Variants in PNPLA3 observed in about 807,000 individuals in gnomAD.
The protein encoded by PNPLA3 is patatin like domain 3, 1-acylglycerol-3-phosphate O-acyltransferase.
PNPLA3 carries 42 observed loss-of-function variants against 43.1 expected under a neutral mutation model. The ratio of observed to expected loss-of-function variants is 0.97; its 90% confidence interval spans 0.76 to 1.26. The LOEUF (loss-of-function observed/expected upper bound fraction) is 1.26, where lower values mean the gene tolerates loss of function less well. PNPLA3 is among the 50% of genes most tolerant of loss of function. PNPLA3 has a pLI of 0.00. For missense variants in PNPLA3, 647 were observed against 621.4 expected, an observed-to-expected ratio of 1.04 and a Z score of -0.44; for synonymous variants, 272 against 253.6, an observed-to-expected ratio of 1.07 and a Z score of -0.69.
Position 43,939,520 on chromosome 22 carries a change from A to AGG in PNPLA3, c.980-471_980-470dup, listed in dbSNP as rs1323930797. Reference sequence around the variant, plus strand: ...CAGCTTCACACTGCCCTTGCTGTGAAGGGAGCAGCCTGGGCCGGGCGCGGT... The same window carrying AGG: ...CAGCTTCACACTGCCCTTGCTGTGAAGGGGGAGCAGCCTGGGCCGGGCGCGGT... On this transcript the variant is annotated intron_variant, in intron 6 of 8. Transcript: ENST00000216180. 3 of 787,246 alleles carry AGG rather than the reference A, an allele frequency of 3.8e-6. No individual in the cohort carries two copies. The African/African-American group carries it at 5.7e-5, about 15-fold the overall frequency. The allele number at this position is 787,246 out of a possible 1,614,324, so 48.8% of individuals were successfully genotyped here. A position where few individuals can be genotyped will look rare whatever the true frequency, so the allele number is the denominator to read the frequency against.
chr22:43,935,501 TGCAG>T (rs2049989465), intron 5 of PNPLA3, among the ~76,000 whole-genome samples: 1 of 151,766 alleles, frequency 6.6e-6, no homozygotes, highest in Non-Finnish European at 1.5e-5. Context: ...TGGAGGCTCA[TGCAG>T]GATGGATCTC....
Position 43,924,030 on chromosome 22 carries a change from C to T in PNPLA3, c.119C>T (p.Ala40Val), listed in dbSNP as rs1243707675. ...SEHAPHLLRD[A>V]RMLFGASAGA... ...CACGCCCCGCACCTCCTCCGCGACG[C>T]GCGCATGTTGTTCGGCGCTTCGGCC... Residue 40 changes from alanine to valine, a missense_variant, in exon 1 of 9, where the codon GCG becomes GTG. Transcript: ENST00000216180. 6.3e-6 allele frequency: 10 copies of T among 1,581,442 alleles called. No individual in the cohort carries two copies. The highest frequency in any genetic ancestry group is 8.5e-6 in the Non-Finnish European group (10 of 1,172,826).
At chr22:43,936,394 G>T (rs1445123486) in intron 5 of PNPLA3, among the ~76,000 whole-genome samples, 2 of 152,126 alleles carry the variant, frequency 1.3e-5, no homozygotes, top group Non-Finnish European at 1.5e-5. Flanking sequence ...GTGCAGCTGT[G>T]GTTGTCTGAA....
Position 43,924,075 on chromosome 22 carries a change from G to A in PNPLA3, c.164G>A (p.Gly55Asp), listed in dbSNP as rs748057138. The change falls in exon 1 of 9, where the codon GGC (glycine) becomes GAC (aspartate). Residue 55 changes from glycine to aspartate, a missense_variant. Transcript: ENST00000216180. The stretch of plus-strand genomic sequence containing the variant: ...TCGGCCGGGGCGTTGCACTGCGTCG[G>A]CGTCCTCTCCGGTATCCCGCTGGGT... ...GASAGALHCV[G>D]VLSGIPLEQT... is the part of the protein sequence containing the mutation. 100 of 1,567,546 alleles carry A rather than the reference G, an allele frequency of 6.4e-5. No individual in the cohort carries two copies. Among genetic ancestry groups the A allele is most frequent in the Non-Finnish European group, 8.4e-5 (98 of 1,166,642 alleles).
intron 6 of PNPLA3, among the ~76,000 whole-genome samples, chr22:43,938,323 T>C (rs1447349326): frequency 6.6e-6 from 1 of 152,208 alleles, no homozygotes; most frequent in Non-Finnish European, 1.5e-5. Flanking sequence ...ACACAGCAGC[T>C]GCCCAGGTGC....
rs1309128279 is a variant in PNPLA3, at chr22:43,946,181, G to A, written c.1245G>A (p.Gln415=). Residue 415 remains glutamine, a synonymous_variant, in exon 9 of 9, where the codon CAG becomes CAA. Coordinates refer to ENST00000216180, the MANE Select transcript of PNPLA3 (RefSeq NM_025225.3). Reference sequence around the variant, plus strand: ...CCCAAATGCCAGTGAGCAGCCAACAGGCCTCCCCATGCACACCTGAGCAGG... The same window carrying A: ...CCCAAATGCCAGTGAGCAGCCAACAAGCCTCCCCATGCACACCTGAGCAGG... The part of the protein sequence containing the change: ...SRSQMPVSSQ[Q]ASPCTPEQDW... The A allele has an allele frequency of 7.4e-6, 12 of 1,613,780 alleles. No homozygotes were observed. Among genetic ancestry groups the A allele is most frequent in the African/African-American group, 1.3e-5 (1 of 74,908 alleles).
chr22:43,940,017 A>C lies in PNPLA3; in HGVS notation c.1004A>C (p.Lys335Thr). 6.2e-7 allele frequency: 1 copy of C among 1,614,216 alleles called. No individual in the cohort carries two copies. Among genetic ancestry groups the C allele is most frequent in the South Asian group, 1.1e-5 (1 of 91,076 alleles). Residue 335 changes from lysine to threonine, a missense_variant, in exon 7 of 9, where the codon AAA (lysine) becomes ACA (threonine). Lys to Thr is a moderately conservative substitution (Grantham distance 78, BLOSUM62 -1). Coordinates refer to ENST00000216180, the MANE Select transcript of PNPLA3 (RefSeq NM_025225.3). Reference sequence around the variant, plus strand: ...GCACTGAGTGAAGAAATGAAAGACAAAGGTGGATACATGAGCAAGATTTGC... The same window carrying C: ...GCACTGAGTGAAGAAATGAAAGACACAGGTGGATACATGAGCAAGATTTGC... The part of the protein sequence containing the change: ...ATALSEEMKD[K>T]GGYMSKICNL...
intron 8 of PNPLA3, 80 bp from the exon 9 acceptor site, chr22:43,946,074 A>C (rs780495902): frequency 5.6e-5 from 75 of 1,345,508 alleles, no homozygotes; most frequent in Non-Finnish European, 7.4e-5. Flanking sequence ...ACTGGCCGGC[A>C]ATGTGGGTCC....
At chr22:43,940,427 G>A (rs2050023876) in intron 7 of PNPLA3, among the ~76,000 whole-genome samples, 1 of 152,210 alleles carries the variant, frequency 6.6e-6, no homozygotes, top group Non-Finnish European at 1.5e-5. Context: ...AGAGCTTGGG[G>A]TCACTGCTCT....
In PNPLA3 at chr22:43,924,024, GCGACGCGCGCATGTTGTT is replaced by G. The variant is rs2049904161; in HGVS notation, c.116_133del (p.Asp39_Phe44del). 2.5e-6 allele frequency: 4 copies of G among 1,582,008 alleles called. No individual in the cohort carries two copies. The highest frequency in any genetic ancestry group is 3.4e-6 in the Non-Finnish European group (4 of 1,173,034). ...AGCGAGCACGCCCCGCACCTCCTCCGCGACGCGCGCATGTTGTTCGGCGCTTCGGCCGGGGCGTTGCAC... is the reference window on the plus strand; with the variant it reads ...AGCGAGCACGCCCCGCACCTCCTCCGCGGCGCTTCGGCCGGGGCGTTGCAC... On this transcript the variant is annotated inframe_deletion, in exon 1 of 9. Transcript: ENST00000216180.
At chr22:43,943,968 T>C (rs2146791744) in intron 7 of PNPLA3, among the ~76,000 whole-genome samples, 1 of 152,180 alleles carries the variant, frequency 6.6e-6, no homozygotes, top group Middle Eastern at 3.4e-3. Context: ...TTTGTATTTT[T>C]AGTAGAGGTG....
chr22:43,926,529 T>A (rs183225456), intron 1 of PNPLA3, among the ~76,000 whole-genome samples: 4 of 152,336 alleles, frequency 2.6e-5, no homozygotes, highest in African/African-American at 7.2e-5. Flanking sequence ...GACTCATTCC[T>A]GTGGCTGAGG....
Position 43,933,095 on chromosome 22 carries a change from G to T in PNPLA3, c.696+8G>T. 6.2e-7 allele frequency: 1 copy of T among 1,611,966 alleles called. No individual in the cohort carries two copies. The highest frequency in any genetic ancestry group is 8.5e-7 in the Non-Finnish European group (1 of 1,179,014). Reference sequence around the variant, plus strand: ...GTCCCCCCGGATCTCAAGGTGAGTTGGTGGTGAGGGGGCAGGTGTTCTGGG... The same window carrying T: ...GTCCCCCCGGATCTCAAGGTGAGTTTGTGGTGAGGGGGCAGGTGTTCTGGG... On this transcript the variant is annotated splice_region_variant and intron_variant, in intron 4 of 8. Transcript: ENST00000216180.
intron 5 of PNPLA3, 81 bp downstream of exon 5, chr22:43,934,747 T>C: frequency 7.2e-7 from 1 of 1,385,460 alleles, no homozygotes; most frequent in South Asian, 1.2e-5. Context: ...GAGATTTGCC[T>C]TAGTTCTAAC....
intron 8 of PNPLA3, 133 bp downstream of exon 8, chr22:43,944,928 T>C: frequency 1.3e-6 from 1 of 757,728 alleles, no homozygotes. Flanking sequence ...GGACCCTGTC[T>C]CATGGGAGGC....
intron 7 of PNPLA3, among the ~76,000 whole-genome samples, chr22:43,940,605 T>G (rs539742774): frequency 1.3e-5 from 2 of 151,776 alleles, no homozygotes; most frequent in African/African-American, 4.8e-5. Flanking sequence ...GGTCAGGAGT[T>G]TGAGACCAGC....
At position 43,946,267 on chromosome 22, in the gene PNPLA3, C is replaced by G; in HGVS notation, c.1331C>G (p.Ala444Gly). The change falls in exon 9 of 9, where the codon GCC (alanine) becomes GGC (glycine). Residue 444 changes from alanine to glycine, a missense_variant. Transcript: ENST00000216180. ...TGTCCAGCAGAGACCAAAGCAGAGGCCACCCCGCGGTCCATCCTCAGGTCC... is the reference window on the plus strand; with the variant it reads ...TGTCCAGCAGAGACCAAAGCAGAGGGCACCCCGCGGTCCATCCTCAGGTCC... ...KGCPAETKAE[A>G]TPRSILRSSL... 6.2e-7 allele frequency: 1 copy of G among 1,614,190 alleles called. No homozygotes were observed. Among genetic ancestry groups the G allele is most frequent in the Non-Finnish European group, 8.5e-7 (1 of 1,180,032 alleles).
At chr22:43,945,690 C>A (rs2050058438) in intron 8 of PNPLA3, among the ~76,000 whole-genome samples, 1 of 152,192 alleles carries the variant, frequency 6.6e-6, no homozygotes, top group East Asian at 1.9e-4. Context: ...TGGCAGCAGG[C>A]AGCAAGGGGG....
chr22:43,942,176 G>A (rs1244537726), intron 7 of PNPLA3, among the ~76,000 whole-genome samples: 1 of 152,134 alleles, frequency 6.6e-6, no homozygotes, highest in Non-Finnish European at 1.5e-5. Flanking sequence ...AGGTCCTCCT[G>A]CCCCACTTCC....
Sources: gnomAD v4.1 joint callset for allele counts (sites outside exome capture counted in the v4.1 genomes callset) on GRCh38, gnomAD v4.1.1 for gene constraint, MANE v1.5 for transcripts, NCBI Gene and HGNC (gene_info 2026-07-23, HGNC 2026-07-21) for gene names.